The following GALM variants were observed in gnomAD, a reference collection of about 807,000 sequenced individuals.
GALM encodes galactose mutarotase.
A neutral mutation model predicts 37.4 loss-of-function variants in GALM; 43 were observed. That is an observed-to-expected ratio of 1.15 (90% confidence interval 0.90 to 1.48). GALM has a LOEUF of 1.48. GALM is among the 40% of genes most tolerant of loss of function. The pLI is 0.00. For missense variants in GALM, 456 were observed against 419.1 expected (o/e 1.09, Z -0.77); for synonymous variants, 199 against 170.6 (o/e 1.17, Z -1.30).
intron 4 of GALM, among the ~76,000 whole-genome samples, chr2:38,704,956 TC>T (rs1666008780): frequency 6.6e-6 from 1 of 152,110 alleles, no homozygotes; most frequent in Non-Finnish European, 1.5e-5. Flanking sequence ...CTACTCATGC[TC>T]CCTACTGGAA....
intron 1 of GALM, among the ~76,000 whole-genome samples, chr2:38,675,108 G>C: frequency 6.6e-6 from 1 of 152,130 alleles, no homozygotes; most frequent in East Asian, 1.9e-4. Flanking sequence ...CTGGGGGATG[G>C]AGTTTGCAGT....
intron 1 of GALM, among the ~76,000 whole-genome samples, chr2:38,673,663 AGCCGGGCATGGTG>A (rs1441439986): frequency 6.6e-6 from 1 of 152,074 alleles, no homozygotes; most frequent in African/African-American, 2.4e-5. Flanking sequence ...ACAAAAAATA[AGCCGGGCATGGTG>A]GCGGGTGCCT....
Position 38,733,853 on chromosome 2 carries a change from G to A in GALM, c.*288G>A, listed in dbSNP as rs937108149. ...CCTAGCCAGGGACTCCCATGCTGCTGTTGGCTCCATCTCTCCACACTGCCT... is the reference window on the plus strand; with the variant it reads ...CCTAGCCAGGGACTCCCATGCTGCTATTGGCTCCATCTCTCCACACTGCCT... On this transcript the variant is annotated 3_prime_UTR_variant, in exon 7 of 7. Transcript: ENST00000272252. The A allele has an allele frequency of 2.4e-6, 1 of 411,520 alleles. No individual in the cohort carries two copies. Among genetic ancestry groups the A allele is most frequent in the African/African-American group, 2.0e-5 (1 of 49,116 alleles). 25.5% of individuals were successfully genotyped at this position (411,520 alleles called of 1,614,324 possible).
At chr2:38,709,499 A>G (rs1666107795) in intron 4 of GALM, among the ~76,000 whole-genome samples, 1 of 152,038 alleles carries the variant, frequency 6.6e-6, no homozygotes, top group South Asian at 2.1e-4. Context: ...ATCCAGAAGC[A>G]ATACCCTCCC....
chr2:38,684,397 G>C (rs537155663), intron 3 of GALM, among the ~76,000 whole-genome samples: 127 of 152,282 alleles, frequency 8.3e-4, no homozygotes, highest in African/African-American at 3.0e-3. Flanking sequence ...AAAGACCTGG[G>C]TGTGGTGGCT....
chr2:38,711,742 A>ACC (rs1666167060), intron 4 of GALM, among the ~76,000 whole-genome samples: 1 of 73,712 alleles, frequency 1.4e-5, no homozygotes, highest in African/African-American at 4.9e-5. Flanking sequence ...CATCATCATT[A>ACC]ACATCACCAT....
chr2:38,731,684 TC>T, intron 5 of GALM, 50 bp from the exon 6 acceptor site: 2 of 1,456,694 alleles, frequency 1.4e-6, no homozygotes, highest in Non-Finnish European at 1.9e-6. Context: ...CTTCTACTCC[TC>T]CCCACCTGCT....
Position 38,696,869 on chromosome 2 carries a change from A to T in GALM, c.634+6975A>T, listed in dbSNP as rs1488723908. 9.7e-5 allele frequency among the ~76,000 whole-genome samples: 13 copies of T among 134,444 alleles called. No individual in the cohort carries two copies. The Admixed American group carries it at 9.8e-4, about 10-fold the overall frequency. The allele number at this position is 134,444 out of a possible 152,430, so 88.2% of individuals were successfully genotyped here. ...CAGTGGCGCGATCTCAGCTCACTGTAACCTCTGCCTCCCATGTTCAAGCAA... is the reference window on the plus strand; with the variant it reads ...CAGTGGCGCGATCTCAGCTCACTGTTACCTCTGCCTCCCATGTTCAAGCAA... On this transcript the variant is annotated intron_variant, in intron 4 of 6. Coordinates refer to ENST00000272252, the MANE Select transcript of GALM (RefSeq NM_138801.3).
chr2:38,689,200 G>T (rs528032139), intron 3 of GALM, among the ~76,000 whole-genome samples: 22 of 152,308 alleles, frequency 1.4e-4, no homozygotes, highest in Admixed American at 1.3e-3. Context: ...GGAAGAGCTG[G>T]AACTACACCC....
chr2:38,673,300 G>C (rs1665162046), intron 1 of GALM, among the ~76,000 whole-genome samples: 1 of 152,098 alleles, frequency 6.6e-6, no homozygotes. Context: ...AGAGTACCAC[G>C]GGAAAAGGGA....
intron 4 of GALM, among the ~76,000 whole-genome samples, chr2:38,695,988 C>T (rs985917756): frequency 2.7e-5 from 4 of 150,612 alleles, no homozygotes; most frequent in Non-Finnish European, 4.4e-5. Context: ...TGTGAGCCAC[C>T]ACACCCCGCC....
rs1572511930 is a variant in GALM at position 38,675,992 on chromosome 2, G to A, written c.271G>A (p.Asp91Asn). 2 of 1,614,062 alleles carry A rather than the reference G, an allele frequency of 1.2e-6. No individual in the cohort carries two copies. Among genetic ancestry groups the A allele is most frequent in the East Asian group, 2.2e-5 (1 of 44,872 alleles). ...NRIAKGTFKV[D>N]GKEYHLAINK... ...AATCGCCAAAGGAACCTTCAAGGTGGATGGGAAGGAGTATCACCTGGCCAT... is the reference window on the plus strand; with the variant it reads ...AATCGCCAAAGGAACCTTCAAGGTGAATGGGAAGGAGTATCACCTGGCCAT... Residue 91 changes from aspartate to asparagine, a missense_variant, in exon 2 of 7, where the codon GAT becomes AAT. Physicochemically the swap from Asp to Asn is conservative, Grantham distance 23 (BLOSUM62 1). Transcript: ENST00000272252.
At chr2:38,679,257 G>A (rs1338126953) in intron 2 of GALM, among the ~76,000 whole-genome samples, 1 of 152,142 alleles carries the variant, frequency 6.6e-6, no homozygotes, top group East Asian at 1.9e-4. Context: ...AAAGTGCTGT[G>A]ATTACAAGTG....
chr2:38,728,544 G>C (rs1480667968), intron 4 of GALM, among the ~76,000 whole-genome samples: 1 of 151,904 alleles, frequency 6.6e-6, no homozygotes, highest in Non-Finnish European at 1.5e-5. Context: ...AAATACAAAA[G>C]CATGGTGGTG....
chr2:38,724,495 T>A (rs1018691415), intron 4 of GALM, among the ~76,000 whole-genome samples: 1 of 152,184 alleles, frequency 6.6e-6, no homozygotes, highest in African/African-American at 2.4e-5. Flanking sequence ...ATTCTAGTTA[T>A]GAGAAAGGGC....
chr2:38,702,905 TAC>T (rs1209606762), intron 4 of GALM, among the ~76,000 whole-genome samples: 1 of 141,792 alleles, frequency 7.1e-6, no homozygotes, highest in Non-Finnish European at 1.5e-5. Flanking sequence ...TATATATATA[TAC>T]ACTTTATTTA....
intron 4 of GALM, among the ~76,000 whole-genome samples, chr2:38,715,795 A>G (rs566611133): frequency 6.6e-6 from 1 of 152,334 alleles, no homozygotes; most frequent in Admixed American, 6.5e-5. Flanking sequence ...TGTCCATAGT[A>G]ACAGCCATAT....
At chr2:38,717,520 C>T (rs1404220943) in intron 4 of GALM, among the ~76,000 whole-genome samples, 5 of 151,930 alleles carry the variant, frequency 3.3e-5, no homozygotes, top group African/African-American at 9.7e-5. Context: ...TTGCTTGAGC[C>T]TCCCAAGTAG....
At chr2:38,693,989 G>C (rs548093967) in intron 4 of GALM, among the ~76,000 whole-genome samples, 1 of 152,230 alleles carries the variant, frequency 6.6e-6, no homozygotes, top group East Asian at 1.9e-4. Flanking sequence ...AGAGCAGCCT[G>C]GGCAACATAG....
Sources: allele counts gnomAD v4.1 joint callset (sites outside exome capture counted in the v4.1 genomes callset), GRCh38; gene constraint gnomAD v4.1.1; transcripts MANE v1.5; gene names NCBI Gene and HGNC (gene_info 2026-07-23, HGNC 2026-07-21).